LAMA4: variants seen among roughly 807,000 people sequenced by gnomAD.
LAMA4 encodes the protein laminin subunit alpha-4.
A neutral mutation model predicts 207.1 loss-of-function variants in LAMA4; 127 were observed. The observed-to-expected ratio is 0.61, with a 90% CI of 0.53 to 0.71. The LOEUF (loss-of-function observed/expected upper bound fraction) is 0.71. LAMA4 is among the 30% of genes least tolerant of loss of function. The pLI is 0.00. For missense variants in LAMA4, 2,093 were observed against 2,246.5 expected (o/e 0.93, Z 1.38); for synonymous variants, 761 against 816.0 (o/e 0.93, Z 1.15).
chr6:112,132,950 C>G, intron 27 of LAMA4, 60 bp from the exon 28 acceptor site: 1 of 1,522,548 alleles, frequency 6.6e-7, no homozygotes, highest in South Asian at 1.1e-5. Context: ...TTAAAACTAT[C>G]AATGTTTCAC....
intron 9 of LAMA4, among the ~76,000 whole-genome samples, chr6:112,183,869 G>A (rs966434904): frequency 4.0e-5 from 6 of 148,510 alleles, no homozygotes. Context: ...GAGAATCACT[G>A]GAACCCGGGA....
intron 31 of LAMA4, among the ~76,000 whole-genome samples, chr6:112,122,428 T>G (rs1324366449): frequency 6.6e-6 from 1 of 152,078 alleles, no homozygotes; most frequent in Non-Finnish European, 1.5e-5. Context: ...AACCCCAAAT[T>G]CTTCCGCATG....
At chr6:112,171,670 C>G (rs1455287913) in intron 12 of LAMA4, 2 of 90,632 alleles carry the variant, frequency 2.2e-5, no homozygotes, top group Non-Finnish European at 4.4e-5. Context: ...ATCATGCATT[C>G]ATTTAGCAAA....
intron 2 of LAMA4, among the ~76,000 whole-genome samples, chr6:112,238,271 G>T (rs1786080362): frequency 6.6e-6 from 1 of 152,112 alleles, no homozygotes; most frequent in Admixed American, 6.5e-5. Flanking sequence ...TAGGATACTT[G>T]GCACTTGCTG....
At chr6:112,111,315 A>AT (rs1234047193) in intron 38 of LAMA4, among the ~76,000 whole-genome samples, 1 of 152,184 alleles carries the variant, frequency 6.6e-6, no homozygotes, top group African/African-American at 2.4e-5. Context: ...AAGTGCTAGG[A>AT]TTACAGGCGC....
intron 4 of LAMA4, among the ~76,000 whole-genome samples, chr6:112,202,129 ATTTC>A (rs1419554129): frequency 6.6e-6 from 1 of 152,134 alleles, no homozygotes; most frequent in African/African-American, 2.4e-5. Context: ...CAGAATTATA[ATTTC>A]TTTCATGTGT....
intron 2 of LAMA4, among the ~76,000 whole-genome samples, chr6:112,221,274 A>G (rs1162399593): frequency 5.3e-5 from 8 of 152,152 alleles, no homozygotes; most frequent in Non-Finnish European, 1.0e-4. Flanking sequence ...CCTAGTGTCT[A>G]TTCTCATAGG....
intron 19 of LAMA4, among the ~76,000 whole-genome samples, chr6:112,144,434 A>T (rs1554333989): frequency 2.0e-5 from 3 of 152,272 alleles, no homozygotes; most frequent in African/African-American, 7.2e-5. Flanking sequence ...ATAAAATATA[A>T]GAACGAATTG....
intron 2 of LAMA4, among the ~76,000 whole-genome samples, chr6:112,243,063 C>A (rs181575526): frequency 2.6e-5 from 4 of 152,272 alleles, no homozygotes; most frequent in Non-Finnish European, 5.9e-5. Context: ...GGTTTAGGGT[C>A]ATTCTGGAGG....
chr6:112,243,086 T>G (rs1786636700), intron 2 of LAMA4, among the ~76,000 whole-genome samples: 1 of 152,032 alleles, frequency 6.6e-6, no homozygotes, highest in Non-Finnish European at 1.5e-5. Context: ...CCAGATAGAG[T>G]AGGGGGTAGC....
chr6:112,183,625 C>T (rs868929695), intron 9 of LAMA4, among the ~76,000 whole-genome samples: 2 of 152,024 alleles, frequency 1.3e-5, no homozygotes, highest in Non-Finnish European at 2.9e-5. Flanking sequence ...GAAAACATTT[C>T]CTCAGATGTT....
chr6:112,231,137 T>C (rs1206987515), intron 2 of LAMA4, among the ~76,000 whole-genome samples: 1 of 152,226 alleles, frequency 6.6e-6, no homozygotes, highest in Non-Finnish European at 1.5e-5. Flanking sequence ...AAGTCATCTC[T>C]GTTCAAGTTT....
intron 6 of LAMA4, among the ~76,000 whole-genome samples, chr6:112,190,966 TTCTTTCTTTCTTTCTTTCTTTCC>T (rs1783074411): frequency 6.9e-6 from 1 of 145,734 alleles, no homozygotes; most frequent in Non-Finnish European, 1.5e-5. Context: ...CTTTCTTTCT[TTCTTTCTTTCTTTCTTTCTTTCC>T]TCTTTCTTTC....
intron 5 of LAMA4, among the ~76,000 whole-genome samples, chr6:112,200,748 T>C (rs1554352135): frequency 6.6e-6 from 1 of 152,188 alleles, no homozygotes; most frequent in African/African-American, 2.4e-5. Flanking sequence ...TGGATGAAGC[T>C]GGAAACCGTC....
chr6:112,207,178 A>T, intron 3 of LAMA4, 33 bp from the exon 4 acceptor site: 1 of 1,612,998 alleles, frequency 6.2e-7, no homozygotes, highest in Non-Finnish European at 8.5e-7. Flanking sequence ...ATTGACAAGG[A>T]TGCGAAAGAA....
chr6:112,223,654 G>A (rs1040074855), intron 2 of LAMA4, among the ~76,000 whole-genome samples: 1 of 152,158 alleles, frequency 6.6e-6, no homozygotes, highest in Non-Finnish European at 1.5e-5. Context: ...TCCATTGCTG[G>A]TAGATGACCC....
chr6:112,120,153 A>G (rs1778263102), intron 33 of LAMA4, 130 bp downstream of exon 33: 1 of 744,176 alleles, frequency 1.3e-6, no homozygotes, highest in Non-Finnish European at 2.2e-6. Context: ...ATTTTTTGAA[A>G]TTGAATTCTG....
chr6:112,185,292 T>C lies in LAMA4; in HGVS notation c.1022A>G (p.Asn341Ser), dbSNP rs782774496. ...QYALRKIQINNAENTMKSLLS... is the reference protein window; with the variant it reads ...QYALRKIQINSAENTMKSLLS... ...AAGGCTTTTCATCGTGTTCTCAGCA[T>C]TGTTGATTTGTATCTTTCTTAGGGC... The change falls in exon 9 of 39, where the codon AAT (asparagine) becomes AGT (serine). Residue 341 changes from asparagine (N) to serine (S), a missense_variant. Asn to Ser is a conservative substitution (Grantham distance 46). Coordinates refer to ENST00000230538, the MANE Select transcript of LAMA4 (RefSeq NM_001105206.3). The C allele has an allele frequency of 6.2e-7, 1 of 1,613,586 alleles. No homozygotes were observed. The highest frequency in any genetic ancestry group is 1.1e-5 in the South Asian group (1 of 91,070).
intron 3 of LAMA4, 127 bp from the exon 4 acceptor site, chr6:112,207,272 G>C (rs1327849670): frequency 9.9e-7 from 1 of 1,015,046 alleles, no homozygotes; most frequent in Non-Finnish European, 1.5e-6. Flanking sequence ...GACTGTATGC[G>C]GCAGTACAGA....
Sources: allele counts gnomAD v4.1 joint callset (sites outside exome capture counted in the v4.1 genomes callset), GRCh38; gene constraint gnomAD v4.1.1; transcripts MANE v1.5; gene names NCBI Gene and HGNC (gene_info 2026-07-23, HGNC 2026-07-21).